Variants in ALK observed in about 807,000 individuals in gnomAD.
ALK encodes the protein ALK receptor tyrosine kinase.
Under a neutral mutation model 163.1 loss-of-function variants are expected in ALK, and 74 were observed. That is an observed-to-expected ratio of 0.45 (90% CI 0.38 to 0.55). ALK has a LOEUF of 0.55. Ranked by LOEUF, ALK falls within the 20% of genes least tolerant of loss-of-function variation. The pLI, the probability that ALK is intolerant of heterozygous loss-of-function variation, is 0.00. For missense variants in ALK, 2,063 were observed against 2,105.3 expected (o/e 0.98, Z 0.39); for synonymous variants, 960 against 843.2 (o/e 1.14, Z -2.40).
chr2:29,604,496 C>T lies in ALK; in HGVS notation c.953-72380G>A, dbSNP rs141265298. On this transcript the variant is annotated intron_variant, in intron 3 of 28. Transcript: ENST00000389048. ...GCAACAAAGACAGCAAAACTCATGG[C>T]CCAGAATCTAACCTGGTCCCCTCAG... Among the ~76,000 whole-genome samples, 1,056 of 152,254 alleles carry T rather than the reference C, an allele frequency of 6.9e-3. 12 individuals carry two copies. Among genetic ancestry groups the T allele is most frequent in the South Asian group, 0.044 (211 of 4,818 alleles).
At chr2:29,835,871 C>T (rs563494596) in intron 1 of ALK, among the ~76,000 whole-genome samples, 42 of 152,280 alleles carry the variant, frequency 2.8e-4, no homozygotes, top group Admixed American at 9.8e-4. Context: ...CCCAGCCATG[C>T]GGAACTGTGA....
chr2:29,805,262 A>T (rs1664578375), intron 1 of ALK, among the ~76,000 whole-genome samples: 1 of 152,248 alleles, frequency 6.6e-6, no homozygotes, highest in Non-Finnish European at 1.5e-5. Flanking sequence ...GCACTATACA[A>T]ATAGGCTCGA....
chr2:29,865,389 G>A (rs1666406582), intron 1 of ALK, among the ~76,000 whole-genome samples: 1 of 152,210 alleles, frequency 6.6e-6, no homozygotes, highest in Admixed American at 6.5e-5. Flanking sequence ...AGCCTGAGGA[G>A]CCCTCAGGAC....
chr2:29,310,875 AG>A (rs1174095496), intron 8 of ALK, among the ~76,000 whole-genome samples: 2 of 152,170 alleles, frequency 1.3e-5, no homozygotes, highest in Non-Finnish European at 2.9e-5. Context: ...TTTGACACAC[AG>A]GGGATTCTCA....
chr2:29,896,623 G>T (rs1202760697), intron 1 of ALK, among the ~76,000 whole-genome samples: 1 of 152,160 alleles, frequency 6.6e-6, no homozygotes, highest in Non-Finnish European at 1.5e-5. Context: ...CTCAAGAACT[G>T]TGAGAAAATA....
Position 29,575,361 on chromosome 2 carries a change from G to A in ALK, c.953-43245C>T, listed in dbSNP as rs558313844. On this transcript the variant is annotated intron_variant, in intron 3 of 28. Transcript: ENST00000389048. ...CGAATGTTTTCACCAGGTTTCATCT[G>A]TTTTTATTCTCTTTAGTTATCTAAG... Among the ~76,000 whole-genome samples, 132 of 152,272 alleles carry A rather than the reference G, an allele frequency of 8.7e-4. 2 individuals carry two copies. The highest frequency in any genetic ancestry group is 2.8e-3 in the African/African-American group (117 of 41,538).
intron 26 of ALK, among the ~76,000 whole-genome samples, chr2:29,205,056 C>T (rs894008582): frequency 6.6e-6 from 1 of 152,222 alleles, no homozygotes; most frequent in Admixed American, 6.5e-5. Flanking sequence ...CCATGCCTAT[C>T]TCCTTGAGGC....
intron 1 of ALK, among the ~76,000 whole-genome samples, chr2:29,863,744 C>T (rs1289550985): frequency 6.6e-6 from 1 of 152,108 alleles, no homozygotes; most frequent in African/African-American, 2.4e-5. Flanking sequence ...AAAAATAGAT[C>T]TACCATATGA....
At chr2:29,864,290 G>T (rs1332113218) in intron 1 of ALK, among the ~76,000 whole-genome samples, 1 of 152,168 alleles carries the variant, frequency 6.6e-6, no homozygotes, top group African/African-American at 2.4e-5. Context: ...CCTGCCTCGG[G>T]TCTTTGCCCA....
chr2:29,594,048 A>G (rs1303672962), intron 3 of ALK, among the ~76,000 whole-genome samples: 2 of 152,170 alleles, frequency 1.3e-5, no homozygotes, highest in Non-Finnish European at 2.9e-5. Flanking sequence ...TTTTACTAGT[A>G]TCTAGTGGGT....
chr2:29,264,836 G>T (rs1416483964), intron 11 of ALK, among the ~76,000 whole-genome samples: 1 of 152,126 alleles, frequency 6.6e-6, no homozygotes, highest in African/African-American at 2.4e-5. Context: ...TAGTGTAAGT[G>T]GACGTTTGCT....
chr2:29,544,825 A>G (rs1427017440), intron 3 of ALK, among the ~76,000 whole-genome samples: 3 of 152,206 alleles, frequency 2.0e-5, no homozygotes, highest in East Asian at 1.9e-4. Context: ...GGCTTTCAGA[A>G]TGTCGTAACT....
chr2:29,822,397 G>A (rs530652941), intron 1 of ALK, among the ~76,000 whole-genome samples: 1 of 152,364 alleles, frequency 6.6e-6, no homozygotes, highest in Admixed American at 6.5e-5. Flanking sequence ...GAGGAGGACA[G>A]AGGAAATGGG....
intron 3 of ALK, among the ~76,000 whole-genome samples, chr2:29,694,558 T>C (rs1183677053): frequency 6.6e-6 from 1 of 152,192 alleles, no homozygotes. Context: ...GCAATCCCAT[T>C]TCAAATACCG....
At chr2:29,616,437 C>G (rs954985560) in intron 3 of ALK, among the ~76,000 whole-genome samples, 33 of 152,132 alleles carry the variant, frequency 2.2e-4, no homozygotes, top group African/African-American at 8.0e-4. Flanking sequence ...TTAGAGCTCA[C>G]AGTGGCAAGA....
At chr2:29,221,187 C>G in intron 22 of ALK, 1 of 545,836 alleles carries the variant, frequency 1.8e-6, no homozygotes, top group Non-Finnish European at 3.7e-6. Flanking sequence ...CGATTTCTCC[C>G]AGGAAGGCCT....
intron 1 of ALK, among the ~76,000 whole-genome samples, chr2:29,734,102 A>G (rs1679822455): frequency 6.6e-6 from 1 of 152,184 alleles, no homozygotes; most frequent in Non-Finnish European, 1.5e-5. Flanking sequence ...GAGGACTTGG[A>G]GAACAAGCAG....
At chr2:29,828,232 A>T (rs1572413411) in intron 1 of ALK, among the ~76,000 whole-genome samples, 1 of 152,232 alleles carries the variant, frequency 6.6e-6, no homozygotes, top group East Asian at 1.9e-4. Context: ...AAACCTAGGC[A>T]ATACCATTCA....
intron 3 of ALK, among the ~76,000 whole-genome samples, chr2:29,630,049 T>C (rs1676313505): frequency 1.3e-5 from 2 of 152,202 alleles, no homozygotes; most frequent in African/African-American, 4.8e-5. Flanking sequence ...AGGTATTTCA[T>C]GTCAGTTGCC....
Sources: gnomAD v4.1 joint callset for allele counts (sites outside exome capture counted in the v4.1 genomes callset) on GRCh38, gnomAD v4.1.1 for gene constraint, MANE v1.5 for transcripts, NCBI Gene and HGNC (gene_info 2026-07-23, HGNC 2026-07-21) for gene names.